The following JAKMIP1 variants were observed in gnomAD, a reference collection of about 807,000 sequenced individuals.
JAKMIP1 encodes janus kinase and microtubule interacting protein 1.
A neutral mutation model predicts 113.0 loss-of-function variants in JAKMIP1; 33 were observed. The observed-to-expected ratio is 0.29, with a 90% CI of 0.22 to 0.39. The LOEUF is 0.39. JAKMIP1 is among the 10% of genes least tolerant of loss of function. The probability of loss-of-function intolerance (pLI) is 1.00; values close to 1 mark genes in which losing one functional copy is unlikely to be tolerated. For synonymous variants in JAKMIP1, 480 were observed against 459.9 expected, an observed-to-expected ratio of 1.04 and a Z score of -0.56; for missense variants, 813 against 1,080.5, an observed-to-expected ratio of 0.75 and a Z score of 3.47.
intron 3 of JAKMIP1, among the ~76,000 whole-genome samples, chr4:6,092,969 A>T (rs1722288145): frequency 6.6e-6 from 1 of 152,176 alleles, no homozygotes; most frequent in Non-Finnish European, 1.5e-5. Context: ...TGACAACAGG[A>T]TTCCATTATA....
intron 8 of JAKMIP1, among the ~76,000 whole-genome samples, chr4:6,077,863 T>A (rs1286036644): frequency 2.0e-5 from 3 of 152,150 alleles, no homozygotes; most frequent in Non-Finnish European, 4.4e-5. Context: ...AGGATTTATA[T>A]TTCCCTTGAA....
In JAKMIP1 at chr4:6,161,253, C is replaced by T. The variant is rs375480712; in HGVS notation, c.-148+39000G>A. Among the ~76,000 whole-genome samples, 347 of 148,650 alleles carry T rather than the reference C, an allele frequency of 2.3e-3. 4 individuals are homozygous for T. Among genetic ancestry groups the T allele is most frequent in the African/African-American group, 8.5e-3 (326 of 38,424 alleles). Reference sequence around the variant, plus strand: ...ACCTCCACTCACCTCCCCTGACCTCCACTCACCTCCACTCACTTCCCCTGA... The same window carrying T: ...ACCTCCACTCACCTCCCCTGACCTCTACTCACCTCCACTCACTTCCCCTGA... On this transcript the variant is annotated intron_variant, in intron 1 of 20. Transcript: ENST00000409021.
chr4:6,060,239 G>A (rs377476076), intron 11 of JAKMIP1, among the ~76,000 whole-genome samples, 185 bp downstream of exon 11: 7 of 152,078 alleles, frequency 4.6e-5, no homozygotes, highest in African/African-American at 1.4e-4. Flanking sequence ...TTTTTAACTC[G>A]GCACACAGGT....
chr4:6,120,195 T>TTA (rs1716496289), intron 1 of JAKMIP1, among the ~76,000 whole-genome samples: 2 of 147,512 alleles, frequency 1.4e-5, no homozygotes, highest in African/African-American at 5.0e-5. Context: ...TTTTTTTTTT[T>TTA]AACAAACATT....
In JAKMIP1 at chr4:6,065,002, C is replaced by T; in HGVS notation, c.1309G>A (p.Val437Ile). 1.2e-6 allele frequency: 2 copies of T among 1,614,208 alleles called. No homozygotes were observed. Among genetic ancestry groups the T allele is most frequent in the Non-Finnish European group, 8.5e-7 (1 of 1,180,032 alleles). ...TCAAATCCAAAAAATGTCTCCACAA[C>T]ATGCTTCTGTAAAACGCAATTTGTA... ...GKSLKPPKKH[V>I]VETFFGFDEE... Residue 437 changes from valine (V) to isoleucine (I), a missense_variant, in exon 9 of 21, where the codon GTT (valine) becomes ATT (isoleucine). Coordinates refer to ENST00000409021, the MANE Select transcript of JAKMIP1 (RefSeq NM_001099433.2). The surrounding 1 kb of genome is among the most constrained non-coding windows in gnomAD (Gnocchi z 5.1).
At chr4:6,131,173 A>G (rs6836622) in intron 1 of JAKMIP1, among the ~76,000 whole-genome samples, 12 of 95,452 alleles carry the variant, frequency 1.3e-4, no homozygotes, top group Admixed American at 1.4e-4. Context: ...AAAAAAAAAA[A>G]AATATCCCAG....
chr4:6,078,898 C>T, intron 8 of JAKMIP1, 41 bp downstream of exon 8: 3 of 1,610,004 alleles, frequency 1.9e-6, no homozygotes, highest in South Asian at 2.2e-5. Context: ...AGATCCGTGA[C>T]ACAGCGGCAA....
intron 1 of JAKMIP1, among the ~76,000 whole-genome samples, chr4:6,159,616 G>T (rs1722663521): frequency 6.6e-6 from 1 of 152,194 alleles, no homozygotes; most frequent in South Asian, 2.1e-4. Context: ...GGTAACTAAA[G>T]AAACAAGAAC....
In JAKMIP1 at chr4:6,067,561, G is replaced by A. The variant is rs551123900; in HGVS notation, c.1303-2553C>T. Among the ~76,000 whole-genome samples, 35 of 145,508 alleles carry A rather than the reference G, an allele frequency of 2.4e-4. No homozygotes were observed. The highest frequency in any genetic ancestry group is 7.9e-4 in the African/African-American group (31 of 39,206). On this transcript the variant is annotated intron_variant, in intron 8 of 20. Coordinates refer to ENST00000409021, the MANE Select transcript of JAKMIP1 (RefSeq NM_001099433.2). The surrounding 1 kb of genome is among the most constrained non-coding windows in gnomAD (Gnocchi z 4.6). The stretch of plus-strand genomic sequence containing the variant: ...ATCCCATGGTGACAATGGCACCCAC[G>A]GGAGTGATGCATCTGCAGCACTCAA...
In JAKMIP1 at chr4:6,200,077, G is replaced by C. The variant is rs1342005392; in HGVS notation, c.-148+176C>G. ...GGGGGACCACTGAGGTGGGATGCGA[G>C]AGTGGAAGGGGGACCCAGAGGGGGC... is the stretch of plus-strand genomic sequence containing the variant. On this transcript the variant is annotated intron_variant, in intron 1 of 20. Transcript: ENST00000409021. This position sits in a 1 kb window ranked among gnomAD's most constrained non-coding sequence, Gnocchi z 7.0. 6.6e-6 allele frequency among the ~76,000 whole-genome samples: 1 copy of C among 151,202 alleles called. No individual in the cohort carries two copies. Among genetic ancestry groups the C allele is most frequent in the Admixed American group, 6.6e-5 (1 of 15,228 alleles).
chr4:6,168,666 A>T lies in JAKMIP1; in HGVS notation c.-148+31587T>A, dbSNP rs763556144. ...AGCACTTTGGGAGGGCGAGGCGGGC[A>T]GATTTTTTGAGTCCAAGAGTCCAAG... is the stretch of plus-strand genomic sequence containing the variant. On this transcript the variant is annotated intron_variant, in intron 1 of 20. Transcript: ENST00000409021. The surrounding 1 kb of genome is among the most constrained non-coding windows in gnomAD (Gnocchi z 4.6). Among the ~76,000 whole-genome samples, 2 of 152,100 alleles carry T rather than the reference A, an allele frequency of 1.3e-5. No homozygotes were observed. Among genetic ancestry groups the T allele is most frequent in the Non-Finnish European group, 2.9e-5 (2 of 68,028 alleles).
Position 6,042,574 on chromosome 4 carries a change from T to C in JAKMIP1, c.2029-347A>G, listed in dbSNP as rs1217592178. Among the ~76,000 whole-genome samples the C allele has an allele frequency of 6.6e-6, 1 of 152,006 alleles. No homozygotes were observed. The highest frequency in any genetic ancestry group is 1.5e-5 in the Non-Finnish European group (1 of 68,014). ...ATGAGTGCCTGCTCTGTGCTGATGCTTCACACAGGAGACCTCATCTGACTC... is the reference window on the plus strand; with the variant it reads ...ATGAGTGCCTGCTCTGTGCTGATGCCTCACACAGGAGACCTCATCTGACTC... On this transcript the variant is annotated intron_variant, in intron 16 of 20. Transcript: ENST00000409021. This position sits in a 1 kb window ranked among gnomAD's most constrained non-coding sequence, Gnocchi z 5.2.
At position 6,189,957 on chromosome 4, in the gene JAKMIP1, A is replaced by G. The variant is rs563020915; in HGVS notation, c.-148+10296T>C. Among the ~76,000 whole-genome samples, 98 of 152,332 alleles carry G rather than the reference A, an allele frequency of 6.4e-4. 1 individual carries two copies. Among genetic ancestry groups the G allele is most frequent in the African/African-American group, 2.3e-3 (96 of 41,584 alleles). The stretch of plus-strand genomic sequence containing the variant: ...GCAGGAGAGGGAGGCAGCGTGGGCC[A>G]TGCCACACTGGCAAAATCAGAGGAG... On this transcript the variant is annotated intron_variant, in intron 1 of 20. Transcript: ENST00000409021.
Position 6,086,116 on chromosome 4 carries a change from C to A in JAKMIP1, c.625-487G>T, listed in dbSNP as rs1235265575. ...AGTGCTCTCCTGGCCACCGAACCCA[C>A]CGGACAACGTTGTCCTCCCGCCCTG... On this transcript the variant is annotated intron_variant, in intron 3 of 20. Transcript: ENST00000409021. The surrounding 1 kb of genome is among the most constrained non-coding windows in gnomAD (Gnocchi z 4.1). Among the ~76,000 whole-genome samples, 1 of 152,154 alleles carries A rather than the reference C, an allele frequency of 6.6e-6. No individual in the cohort carries two copies. Among genetic ancestry groups the A allele is most frequent in the Non-Finnish European group, 1.5e-5 (1 of 68,028 alleles).
At position 6,167,855 on chromosome 4, in the gene JAKMIP1, T is replaced by C. The variant is rs1167610470; in HGVS notation, c.-148+32398A>G. ...TCTGAGTGCACTGAATGCTTCGGTTTAGAGCATGCCAGAAATCAGAGCTGG... is the reference window on the plus strand; with the variant it reads ...TCTGAGTGCACTGAATGCTTCGGTTCAGAGCATGCCAGAAATCAGAGCTGG... On this transcript the variant is annotated intron_variant, in intron 1 of 20. Transcript: ENST00000409021. The surrounding 1 kb of genome is among the most constrained non-coding windows in gnomAD (Gnocchi z 5.3). Among the ~76,000 whole-genome samples the C allele has an allele frequency of 6.6e-6, 1 of 152,230 alleles. No individual in the cohort carries two copies. The highest frequency in any genetic ancestry group is 1.5e-5 in the Non-Finnish European group (1 of 68,040).
At chr4:6,030,565 G>A (rs1158988825) in intron 19 of JAKMIP1, among the ~76,000 whole-genome samples, 1 of 152,208 alleles carries the variant, frequency 6.6e-6, no homozygotes, top group African/African-American at 2.4e-5. Flanking sequence ...TGTGCTCACA[G>A]GGCTTCCGCC....
chr4:6,175,779 T>C (rs761054417), intron 1 of JAKMIP1, among the ~76,000 whole-genome samples: 2 of 152,224 alleles, frequency 1.3e-5, no homozygotes, highest in African/African-American at 2.4e-5. Flanking sequence ...AACTCAGACA[T>C]TGTTTTCCAA....
In JAKMIP1 at chr4:6,050,542, C is replaced by T. The variant is rs370985008; in HGVS notation, c.1908+36G>A. 2.0e-6 allele frequency: 3 copies of T among 1,472,622 alleles called. No individual in the cohort carries two copies. Among genetic ancestry groups the T allele is most frequent in the South Asian group, 1.2e-5 (1 of 82,388 alleles). The allele number at this position is 1,472,622 out of a possible 1,614,324, so 91.2% of individuals were successfully genotyped here. On this transcript the variant is annotated intron_variant, in intron 14 of 20. Transcript: ENST00000409021. This position sits in a 1 kb window ranked among gnomAD's most constrained non-coding sequence, Gnocchi z 7.4. The stretch of plus-strand genomic sequence containing the variant: ...AGCCGGGCACTGAGCGAGCCCTTGG[C>T]TGGCATTCAGCAGAGGCACCCCCCA...
In JAKMIP1 at chr4:6,042,246, A is replaced by C. The variant is rs1255919273; in HGVS notation, c.2029-19T>G. On this transcript the variant is annotated intron_variant, in intron 16 of 20. Transcript: ENST00000409021. This position sits in a 1 kb window ranked among gnomAD's most constrained non-coding sequence, Gnocchi z 5.2. ...TCAGCCACTAGAAAACAGCAGGGACAGGACGGGTGCAGCAAAGTGAGAGTC... is the reference window on the plus strand; with the variant it reads ...TCAGCCACTAGAAAACAGCAGGGACCGGACGGGTGCAGCAAAGTGAGAGTC... 1 of 1,609,414 alleles carries C rather than the reference A, an allele frequency of 6.2e-7. No individual in the cohort carries two copies. Among genetic ancestry groups the C allele is most frequent in the South Asian group, 1.1e-5 (1 of 90,998 alleles).
Sources: allele counts gnomAD v4.1 joint callset (sites outside exome capture counted in the v4.1 genomes callset), GRCh38; gene constraint gnomAD v4.1.1; non-coding constraint Gnocchi (gnomAD v3.1); transcripts MANE v1.5; gene names NCBI Gene and HGNC (gene_info 2026-07-23, HGNC 2026-07-21).